MSI2: variants seen among roughly 807,000 people sequenced by gnomAD.
MSI2 encodes the protein musashi RNA binding protein 2.
Under a neutral mutation model 45.6 loss-of-function variants are expected in MSI2, and 17 were observed. The observed-to-expected ratio is 0.37, with a 90% CI of 0.26 to 0.56. The LOEUF (loss-of-function observed/expected upper bound fraction) is 0.56. MSI2 is among the 20% of genes least tolerant of loss of function. MSI2 has a pLI of 0.77. For missense variants in MSI2, 293 were observed against 444.2 expected, an observed-to-expected ratio of 0.66 and a Z score of 3.06; for synonymous variants, 156 against 158.2, an observed-to-expected ratio of 0.99 and a Z score of 0.11.
At chr17:57,653,619 G>A (rs1371294009) in intron 11 of MSI2, among the ~76,000 whole-genome samples, 1 of 152,160 alleles carries the variant, frequency 6.6e-6, no homozygotes, top group Non-Finnish European at 1.5e-5. Flanking sequence ...TTGGGGAAAA[G>A]ATAAAAGAAA....
intron 6 of MSI2, among the ~76,000 whole-genome samples, chr17:57,459,618 GT>G (rs1448964246): frequency 6.6e-6 from 1 of 152,232 alleles, no homozygotes; most frequent in Non-Finnish European, 1.5e-5. Flanking sequence ...CATCTGAGTA[GT>G]GGTAGGTCCT....
At chr17:57,490,196 G>A (rs1167372152) in intron 6 of MSI2, among the ~76,000 whole-genome samples, 1 of 152,192 alleles carries the variant, frequency 6.6e-6, no homozygotes, top group Admixed American at 6.5e-5. Flanking sequence ...AATCGTGGAT[G>A]TATGATGCCT....
intron 5 of MSI2, among the ~76,000 whole-genome samples, chr17:57,359,266 TG>T: frequency 6.6e-6 from 1 of 152,344 alleles, no homozygotes; most frequent in Admixed American, 6.5e-5. Flanking sequence ...CAACTCAATA[TG>T]GGCATTTTAA....
At chr17:57,385,122 G>A (rs1034215480) in intron 5 of MSI2, among the ~76,000 whole-genome samples, 3 of 152,018 alleles carry the variant, frequency 2.0e-5, no homozygotes, top group Non-Finnish European at 2.9e-5. Context: ...GCTCCTAACC[G>A]TTCTTACAGG....
At chr17:57,491,295 T>C (rs2085867198) in intron 6 of MSI2, among the ~76,000 whole-genome samples, 1 of 152,176 alleles carries the variant, frequency 6.6e-6, no homozygotes, top group Non-Finnish European at 1.5e-5. Flanking sequence ...AGACAGGTCA[T>C]GGAGTGAATG....
intron 5 of MSI2, among the ~76,000 whole-genome samples, chr17:57,397,135 T>C (rs1177635236): frequency 6.6e-6 from 1 of 152,218 alleles, no homozygotes; most frequent in Non-Finnish European, 1.5e-5. Context: ...GCTGCTTCCC[T>C]GTACCCTGTA....
At chr17:57,677,952 G>A (rs12938108) in intron 13 of MSI2, among the ~76,000 whole-genome samples, 19,513 of 152,188 alleles carry the variant, frequency 0.13, 1,460 homozygotes, top group African/African-American at 0.2. Flanking sequence ...AGTTTGTGAG[G>A]TTGGAACATG....
chr17:57,415,937 T>C (rs1314632863), intron 6 of MSI2, among the ~76,000 whole-genome samples: 1 of 152,186 alleles, frequency 6.6e-6, no homozygotes, highest in Non-Finnish European at 1.5e-5. Context: ...TTGGCTTTTT[T>C]TCCTCTTATG....
chr17:57,525,279 G>C (rs76134988), intron 6 of MSI2, among the ~76,000 whole-genome samples: 1,564 of 152,066 alleles, frequency 0.01, 20 homozygotes, highest in South Asian at 0.017. Flanking sequence ...TTTTGGGGGG[G>C]GCAGGTGGGG....
intron 8 of MSI2, among the ~76,000 whole-genome samples, chr17:57,598,797 G>A (rs2144469879): frequency 6.6e-6 from 1 of 152,228 alleles, no homozygotes; most frequent in African/African-American, 2.4e-5. Context: ...CAAGTAGCTG[G>A]GACTACAGGC....
intron 10 of MSI2, among the ~76,000 whole-genome samples, chr17:57,637,912 C>A (rs1393324797): frequency 6.6e-6 from 1 of 152,230 alleles, no homozygotes; most frequent in African/African-American, 2.4e-5. Context: ...TCCTCCACTC[C>A]CCACCTGCTT....
In MSI2 at chr17:57,551,561, G is replaced by A. The variant is rs150788337; in HGVS notation, c.454+21837G>A. Among the ~76,000 whole-genome samples, 494 of 152,190 alleles carry A rather than the reference G, an allele frequency of 3.2e-3. 2 individuals are homozygous for A. Among genetic ancestry groups the A allele is most frequent in the African/African-American group, 0.011 (449 of 41,518 alleles). ...TGCCAGTTGCTGCATGACGTCTGCC[G>A]AGCCCCAGGTGCACCCATGGGGTCA... is the stretch of plus-strand genomic sequence containing the variant. On this transcript the variant is annotated intron_variant, in intron 7 of 13. Coordinates refer to ENST00000284073, the MANE Select transcript of MSI2 (RefSeq NM_138962.4).
chr17:57,550,301 C>A (rs73991899), intron 7 of MSI2, among the ~76,000 whole-genome samples: 1,623 of 152,226 alleles, frequency 0.011, 31 homozygotes, highest in African/African-American at 0.038. Flanking sequence ...GCATCCCAGG[C>A]GACCTTCAGG....
At chr17:57,677,123 T>G in intron 13 of MSI2, 64 bp downstream of exon 13, 1 of 1,093,366 alleles carries the variant, frequency 9.1e-7, no homozygotes. Flanking sequence ...TGTCCACAGG[T>G]CATACATGCA....
chr17:57,576,996 A>G (rs2088068182), intron 7 of MSI2, among the ~76,000 whole-genome samples: 1 of 152,134 alleles, frequency 6.6e-6, no homozygotes, highest in African/African-American at 2.4e-5. Context: ...CATTCCAGGC[A>G]TTTATTTTAA....
intron 8 of MSI2, among the ~76,000 whole-genome samples, chr17:57,605,499 A>C (rs1275369123): frequency 1.3e-5 from 2 of 152,104 alleles, no homozygotes; most frequent in Non-Finnish European, 2.9e-5. Flanking sequence ...ACGTGCTGCC[A>C]CCAGCGTCCC....
intron 6 of MSI2, among the ~76,000 whole-genome samples, chr17:57,472,193 GA>G (rs1284619789): frequency 6.6e-6 from 1 of 152,204 alleles, no homozygotes; most frequent in African/African-American, 2.4e-5. Context: ...ATTAGGAGGG[GA>G]TTATCATCTC....
chr17:57,535,079 G>A (rs1399411308), intron 7 of MSI2, among the ~76,000 whole-genome samples: 6 of 152,234 alleles, frequency 3.9e-5, no homozygotes, highest in Non-Finnish European at 5.9e-5. Context: ...GCAGGAGGCC[G>A]GGGAGTAGAC....
At chr17:57,566,165 T>C (rs2087726901) in intron 7 of MSI2, among the ~76,000 whole-genome samples, 2 of 152,284 alleles carry the variant, frequency 1.3e-5, no homozygotes, top group Non-Finnish European at 2.9e-5. Flanking sequence ...CCAGAGCTTG[T>C]GTACGGCACA....
Sources: allele counts gnomAD v4.1 joint callset (sites outside exome capture counted in the v4.1 genomes callset), GRCh38; gene constraint gnomAD v4.1.1; transcripts MANE v1.5; gene names NCBI Gene and HGNC (gene_info 2026-07-23, HGNC 2026-07-21).